Variants in GRM7 observed in about 807,000 individuals in gnomAD.
GRM7 encodes the protein metabotropic glutamate receptor 7.
A neutral mutation model predicts 84.5 loss-of-function variants in GRM7; 35 were observed. That is an observed-to-expected ratio of 0.41 (90% CI 0.32 to 0.55). The LOEUF (loss-of-function observed/expected upper bound fraction) is 0.55. Ranked by LOEUF, GRM7 falls within the 20% of genes least tolerant of loss-of-function variation. GRM7 has a pLI of 0.19. For missense variants in GRM7, 1,003 were observed against 1,194.6 expected, an observed-to-expected ratio of 0.84 and a Z score of 2.36; for synonymous variants, 487 against 455.1, an observed-to-expected ratio of 1.07 and a Z score of -0.89.
In GRM7 at chr3:7,198,155, TA is replaced by T. The variant is rs55839391; in HGVS notation, c.736+51501del. 6.3e-3 allele frequency among the ~76,000 whole-genome samples: 860 copies of T among 137,462 alleles called. 4 individuals carry two copies. Among genetic ancestry groups the T allele is most frequent in the South Asian group, 0.014 (59 of 4,322 alleles). 90.2% of individuals were successfully genotyped at this position (137,462 alleles called of 152,430 possible). A position where few individuals can be genotyped will look rare whatever the true frequency, so the allele number is the denominator to read the frequency against. On this transcript the variant is annotated intron_variant, in intron 2 of 9. Coordinates refer to ENST00000357716, the MANE Select transcript of GRM7 (RefSeq NM_000844.4). Reference sequence around the variant, plus strand: ...AGTTAAGGAATAAAGGATAAAATGTTAAAAAAAAAAAAAAGAGAGAGATGGA... The same window carrying T: ...AGTTAAGGAATAAAGGATAAAATGTTAAAAAAAAAAAAAGAGAGAGATGGA...
chr3:7,621,755 A>G (rs965861716), intron 8 of GRM7, among the ~76,000 whole-genome samples: 25 of 152,106 alleles, frequency 1.6e-4, no homozygotes, highest in Admixed American at 1.3e-3. Flanking sequence ...CGATGAAACA[A>G]CAGATTTGCC....
chr3:7,021,070 T>A (rs972169984), intron 1 of GRM7, among the ~76,000 whole-genome samples: 6 of 152,216 alleles, frequency 3.9e-5, no homozygotes, highest in Non-Finnish European at 5.9e-5. Context: ...CTATACACAT[T>A]ATTTTTAATG....
rs543591914 is a variant in GRM7, at chr3:7,034,740, C to T, written c.520-111712C>T. 8.6e-4 allele frequency among the ~76,000 whole-genome samples: 131 copies of T among 152,234 alleles called. 1 individual carries two copies. The highest frequency in any genetic ancestry group is 3.0e-3 in the African/African-American group (123 of 41,544). On this transcript the variant is annotated intron_variant, in intron 1 of 9. Coordinates refer to ENST00000357716, the MANE Select transcript of GRM7 (RefSeq NM_000844.4). Reference sequence around the variant, plus strand: ...CATGAGCTGTGTATAGTTGCCAGAACCCAAAGCAGTTAAAGGGTGACTGGT... The same window carrying T: ...CATGAGCTGTGTATAGTTGCCAGAATCCAAAGCAGTTAAAGGGTGACTGGT...
chr3:7,077,334 C>A (rs1698123798), intron 1 of GRM7, among the ~76,000 whole-genome samples: 1 of 152,076 alleles, frequency 6.6e-6, no homozygotes, highest in Non-Finnish European at 1.5e-5. Context: ...AAATGCTCAT[C>A]AATGATAGAC....
intron 1 of GRM7, among the ~76,000 whole-genome samples, chr3:6,999,694 C>T (rs927369103): frequency 5.3e-5 from 8 of 152,236 alleles, no homozygotes; most frequent in South Asian, 4.2e-4. Flanking sequence ...ACCTTCTTCA[C>T]GTGGCAGCAG....
At chr3:6,946,233 T>C (rs1698075314) in intron 1 of GRM7, among the ~76,000 whole-genome samples, 3 of 152,230 alleles carry the variant, frequency 2.0e-5, no homozygotes, top group Admixed American at 2.0e-4. Context: ...AATTAATTTT[T>C]GTATAAGGTG....
intron 1 of GRM7, among the ~76,000 whole-genome samples, chr3:7,064,453 G>GAT (rs1553612627): frequency 2.6e-5 from 2 of 76,438 alleles, no homozygotes; most frequent in Non-Finnish European, 4.9e-5. Flanking sequence ...CTCATGTATG[G>GAT]ATATATATAC....
intron 1 of GRM7, among the ~76,000 whole-genome samples, chr3:7,099,402 A>G (rs1191469238): frequency 6.7e-6 from 1 of 148,718 alleles, no homozygotes; most frequent in Non-Finnish European, 1.5e-5. Context: ...TTATATACAT[A>G]CATAATACAT....
At chr3:7,540,035 C>T (rs1383839392) in intron 7 of GRM7, among the ~76,000 whole-genome samples, 1 of 151,916 alleles carries the variant, frequency 6.6e-6, no homozygotes, top group Non-Finnish European at 1.5e-5. Context: ...ATTATAATTC[C>T]ATTATAAAAA....
At chr3:7,426,093 A>ATGTT (rs1179639697) in intron 5 of GRM7, among the ~76,000 whole-genome samples, 45 of 85,732 alleles carry the variant, frequency 5.2e-4, no homozygotes, top group African/African-American at 2.5e-3. Context: ...GCCATATCAT[A>ATGTT]CGTTCTTTCT....
intron 1 of GRM7, chr3:6,894,068 T>A (rs1696075998): frequency 6.6e-6 from 1 of 152,120 alleles, no homozygotes; most frequent in Non-Finnish European, 1.5e-5. Flanking sequence ...CAACTTTTCT[T>A]CAAAAGTTCA....
intron 7 of GRM7, among the ~76,000 whole-genome samples, chr3:7,481,248 T>A (rs28427430): frequency 0.049 from 7,524 of 152,160 alleles, 593 homozygotes; most frequent in African/African-American, 0.17. Context: ...TTGATTTTTT[T>A]AAATTTTTTT....
intron 1 of GRM7, among the ~76,000 whole-genome samples, chr3:7,090,091 C>T (rs955558019): frequency 1.3e-5 from 2 of 152,128 alleles, no homozygotes; most frequent in African/African-American, 4.8e-5. Context: ...GATCCACCAG[C>T]CTCAGCCTCC....
rs144800078 is a variant in GRM7, at chr3:7,338,917, G to A, written c.1033+32265G>A. On this transcript the variant is annotated intron_variant, in intron 4 of 9. Transcript: ENST00000357716. ...GGCTAGCTGTAGTTTCATAAACAGA[G>A]ACTACTTTCCAGGCTGGGGAAAAAA... Among the ~76,000 whole-genome samples the A allele has an allele frequency of 4.1e-3, 619 of 150,928 alleles. 8 individuals are homozygous for A. Among genetic ancestry groups the A allele is most frequent in the African/African-American group, 0.014 (576 of 40,988 alleles).
chr3:7,559,160 G>A (rs1252767877), intron 7 of GRM7: 5 of 138,456 alleles, frequency 3.6e-5, no homozygotes, highest in Non-Finnish European at 7.7e-5. Flanking sequence ...ATTGAAATGA[G>A]TAATTACCAA....
At chr3:7,476,748 A>T (rs575881392) in intron 7 of GRM7, among the ~76,000 whole-genome samples, 3 of 152,098 alleles carry the variant, frequency 2.0e-5, no homozygotes, top group African/African-American at 7.2e-5. Flanking sequence ...GCTTCTCCTC[A>T]TACCTCTCTG....
rs78746403 is a variant in GRM7 at position 6,929,475 on chromosome 3, A to T, written c.519+67568A>T. Among the ~76,000 whole-genome samples, 898 of 152,294 alleles carry T rather than the reference A, an allele frequency of 5.9e-3. 10 individuals are homozygous for T. Among genetic ancestry groups the T allele is most frequent in the African/African-American group, 0.02 (845 of 41,558 alleles). On this transcript the variant is annotated intron_variant, in intron 1 of 9. Coordinates refer to ENST00000357716, the MANE Select transcript of GRM7 (RefSeq NM_000844.4). Reference sequence around the variant, plus strand: ...AGGTGGTACCGTGTTCATGAAGATGATACAGTAGCAGACTGCCTGCTGTAT... The same window carrying T: ...AGGTGGTACCGTGTTCATGAAGATGTTACAGTAGCAGACTGCCTGCTGTAT...
At chr3:7,157,159 G>A (rs1159695087) in intron 2 of GRM7, among the ~76,000 whole-genome samples, 1 of 151,974 alleles carries the variant, frequency 6.6e-6, no homozygotes, top group East Asian at 1.9e-4. Context: ...TTCAATTCTG[G>A]GCTCCAAACT....
chr3:7,358,811 A>G (rs1470637247), intron 4 of GRM7, among the ~76,000 whole-genome samples: 3 of 152,066 alleles, frequency 2.0e-5, no homozygotes, highest in South Asian at 2.1e-4. Flanking sequence ...GTGTGTAAGT[A>G]TTTTATAAAC....
Sources: gnomAD v4.1 joint callset for allele counts (sites outside exome capture counted in the v4.1 genomes callset) on GRCh38, gnomAD v4.1.1 for gene constraint, MANE v1.5 for transcripts, NCBI Gene and HGNC (gene_info 2026-07-23, HGNC 2026-07-21) for gene names.